The following CNTN5 variants were observed in gnomAD, a reference collection of about 807,000 sequenced individuals.
The protein encoded by CNTN5 is contactin-5.
A neutral mutation model predicts 129.1 loss-of-function variants in CNTN5; 77 were observed. That is an observed-to-expected ratio of 0.60 (90% confidence interval 0.50 to 0.72). The LOEUF (loss-of-function observed/expected upper bound fraction) is 0.72. CNTN5 is among the 30% of genes least tolerant of loss of function. CNTN5 has a pLI of 0.00. For missense variants in CNTN5, 1,478 were observed against 1,328.8 expected (o/e 1.11, Z -1.75); for synonymous variants, 509 against 465.6 (o/e 1.09, Z -1.20).
chr11:99,406,847 A>G (rs186983373), intron 2 of CNTN5, among the ~76,000 whole-genome samples: 129 of 152,284 alleles, frequency 8.5e-4, no homozygotes, highest in Non-Finnish European at 1.7e-3. Flanking sequence ...CATCAGACTC[A>G]TCGGGAGTAC....
chr11:100,003,427 C>T (rs1274458689), intron 9 of CNTN5, among the ~76,000 whole-genome samples: 2 of 152,090 alleles, frequency 1.3e-5, no homozygotes, highest in Non-Finnish European at 2.9e-5. Flanking sequence ...AAGTAAGAAG[C>T]TCAATACTGA....
At chr11:99,098,361 T>C (rs1027749784) in intron 1 of CNTN5, among the ~76,000 whole-genome samples, 1 of 152,056 alleles carries the variant, frequency 6.6e-6, no homozygotes, top group Non-Finnish European at 1.5e-5. Flanking sequence ...TGCAAGACAG[T>C]GTAATCAGAG....
chr11:99,107,000 C>T (rs1867027398), intron 1 of CNTN5, among the ~76,000 whole-genome samples: 1 of 152,094 alleles, frequency 6.6e-6, no homozygotes, highest in Admixed American at 6.6e-5. Context: ...ATTCATAAAA[C>T]TCAACTGAAG....
chr11:99,751,666 T>C (rs1052671519), intron 3 of CNTN5, among the ~76,000 whole-genome samples: 1 of 152,202 alleles, frequency 6.6e-6, no homozygotes, highest in Non-Finnish European at 1.5e-5. Context: ...TGCTCTGTAA[T>C]AATATAGGCT....
At chr11:99,929,249 C>A (rs1328692163) in intron 7 of CNTN5, among the ~76,000 whole-genome samples, 1 of 152,180 alleles carries the variant, frequency 6.6e-6, no homozygotes, top group East Asian at 1.9e-4. Flanking sequence ...AACTTTCCCC[C>A]ATCTTTCTGT....
chr11:99,398,002 A>G (rs1941614601), intron 2 of CNTN5, among the ~76,000 whole-genome samples: 1 of 151,858 alleles, frequency 6.6e-6, no homozygotes, highest in African/African-American at 2.4e-5. Context: ...GCTAAACATG[A>G]GTTCATACTG....
At chr11:99,232,133 C>A (rs879018188) in intron 1 of CNTN5, among the ~76,000 whole-genome samples, 1 of 152,088 alleles carries the variant, frequency 6.6e-6, no homozygotes, top group African/African-American at 2.4e-5. Flanking sequence ...GCTATACGGG[C>A]TCTTTGTTGG....
intron 2 of CNTN5, among the ~76,000 whole-genome samples, chr11:99,426,090 T>TA (rs1222183875): frequency 1.3e-5 from 2 of 152,172 alleles, no homozygotes; most frequent in Non-Finnish European, 2.9e-5. Flanking sequence ...AAATATAATC[T>TA]AAAAAGAATT....
chr11:99,967,441 C>G (rs988400183), intron 8 of CNTN5, among the ~76,000 whole-genome samples: 24 of 152,218 alleles, frequency 1.6e-4, no homozygotes, highest in Non-Finnish European at 2.8e-4. Flanking sequence ...AGCTTCCAAT[C>G]CAATATGAGG....
chr11:99,303,092 G>A (rs1003469016), intron 1 of CNTN5, among the ~76,000 whole-genome samples: 10 of 151,706 alleles, frequency 6.6e-5, no homozygotes, highest in Admixed American at 4.6e-4. Flanking sequence ...TGTTTTTGCA[G>A]TGACATGAAC....
chr11:99,910,149 T>G (rs1949620766), intron 6 of CNTN5, among the ~76,000 whole-genome samples: 1 of 152,066 alleles, frequency 6.6e-6, no homozygotes, highest in Admixed American at 6.6e-5. Context: ...GAGTTCTTAT[T>G]CTTGTTACCT....
intron 3 of CNTN5, among the ~76,000 whole-genome samples, chr11:99,620,978 AT>A (rs202160844): frequency 9.3e-5 from 11 of 118,152 alleles, no homozygotes; most frequent in South Asian, 2.7e-4. Context: ...TTGTATGCCT[AT>A]TTTTTTTCAT....
chr11:99,631,043 T>A (rs1042076858), intron 3 of CNTN5, among the ~76,000 whole-genome samples: 1 of 152,152 alleles, frequency 6.6e-6, no homozygotes, highest in African/African-American at 2.4e-5. Context: ...CAAAATACTT[T>A]TGCTAATTTA....
intron 9 of CNTN5, among the ~76,000 whole-genome samples, chr11:100,017,395 A>G (rs1940883699): frequency 1.3e-5 from 2 of 152,048 alleles, no homozygotes; most frequent in Non-Finnish European, 2.9e-5. Flanking sequence ...ATCCAGATGT[A>G]TATTGCACTC....
chr11:100,046,381 C>G (rs1942678602), intron 9 of CNTN5, among the ~76,000 whole-genome samples: 1 of 152,098 alleles, frequency 6.6e-6, no homozygotes, highest in South Asian at 2.1e-4. Flanking sequence ...CAAGAGGAAA[C>G]CAACAGCCTG....
chr11:100,330,131 A>T (rs73565651), intron 21 of CNTN5, among the ~76,000 whole-genome samples: 3,690 of 152,252 alleles, frequency 0.024, 168 homozygotes, highest in African/African-American at 0.084. Context: ...GCACAAATTT[A>T]AAAAAATCAC....
intron 15 of CNTN5, among the ~76,000 whole-genome samples, chr11:100,204,515 G>A (rs747476803): frequency 1.5e-4 from 23 of 149,480 alleles, no homozygotes; most frequent in East Asian, 2.0e-4. Flanking sequence ...TCACTCTGTC[G>A]CCTAGGCTAA....
At chr11:100,191,578 C>T (rs952124142) in intron 14 of CNTN5, among the ~76,000 whole-genome samples, 1 of 151,914 alleles carries the variant, frequency 6.6e-6, no homozygotes, top group African/African-American at 2.4e-5. Context: ...TTTTCCTCTA[C>T]CAAGAATAAT....
At chr11:99,956,030 G>A (rs558011417) in intron 7 of CNTN5, among the ~76,000 whole-genome samples, 1 of 152,056 alleles carries the variant, frequency 6.6e-6, no homozygotes, top group South Asian at 2.1e-4. Flanking sequence ...ATATTTAAAT[G>A]GTGCAGGTAG....
Sources: gnomAD v4.1 joint callset for allele counts (sites outside exome capture counted in the v4.1 genomes callset) on GRCh38, gnomAD v4.1.1 for gene constraint, MANE v1.5 for transcripts, NCBI Gene and HGNC (gene_info 2026-07-23, HGNC 2026-07-21) for gene names.